The following KCNH5 variants were observed in gnomAD, a reference collection of about 807,000 sequenced individuals.
The protein encoded by KCNH5 is potassium voltage-gated channel subfamily H member 5, also known as voltage-gated delayed rectifier potassium channel KCNH5.
KCNH5 carries 46 observed loss-of-function variants against 96.1 expected under a neutral mutation model. The ratio of observed to expected loss-of-function variants is 0.48; its 90% CI spans 0.38 to 0.61. The LOEUF is 0.61. KCNH5 is among the 20% of genes least tolerant of loss of function. The pLI is 0.00. For missense variants in KCNH5, 907 were observed against 1,225.8 expected (o/e 0.74, Z 3.88); for synonymous variants, 439 against 449.8 (o/e 0.98, Z 0.30).
At chr14:63,029,429 C>T (rs1381237773) in intron 1 of KCNH5, among the ~76,000 whole-genome samples, 1 of 152,030 alleles carries the variant, frequency 6.6e-6, no homozygotes, top group Non-Finnish European at 1.5e-5. Flanking sequence ...TCTTTATAAA[C>T]TATTAAAGCA....
At chr14:63,038,860 TC>T (rs576536509) in intron 1 of KCNH5, among the ~76,000 whole-genome samples, 184 of 152,214 alleles carry the variant, frequency 1.2e-3, no homozygotes, top group African/African-American at 4.3e-3. Context: ...TGAAAAGGAC[TC>T]ATGTCATGTA....
chr14:63,034,668 C>T (rs1432912985), intron 1 of KCNH5, among the ~76,000 whole-genome samples: 1 of 152,144 alleles, frequency 6.6e-6, no homozygotes, highest in African/African-American at 2.4e-5. Flanking sequence ...TAAAAATATG[C>T]TTCCACTTTC....
chr14:62,804,140 T>C (rs1886718770), intron 8 of KCNH5, among the ~76,000 whole-genome samples: 1 of 152,108 alleles, frequency 6.6e-6, no homozygotes, highest in South Asian at 2.1e-4. Context: ...CAGTATCCCT[T>C]CTCTTATCCT....
chr14:62,805,510 C>T (rs923102094), intron 8 of KCNH5, among the ~76,000 whole-genome samples: 2 of 152,144 alleles, frequency 1.3e-5, no homozygotes, highest in Admixed American at 1.3e-4. Flanking sequence ...ATGTGTGTTA[C>T]ATGATGTTTT....
intron 7 of KCNH5, among the ~76,000 whole-genome samples, chr14:62,854,280 C>A (rs1887888267): frequency 1.3e-5 from 2 of 152,056 alleles, no homozygotes; most frequent in Admixed American, 1.3e-4. Context: ...CAATATAGAC[C>A]AGTTCCTAGA....
chr14:62,985,454 T>C (rs1192768470), intron 5 of KCNH5, among the ~76,000 whole-genome samples: 1 of 152,190 alleles, frequency 6.6e-6, no homozygotes, highest in Non-Finnish European at 1.5e-5. Flanking sequence ...TTCGACTCAC[T>C]TTTCTGCAGC....
intron 6 of KCNH5, among the ~76,000 whole-genome samples, chr14:62,965,384 G>T (rs1045453078): frequency 6.6e-6 from 1 of 152,074 alleles, no homozygotes; most frequent in Non-Finnish European, 1.5e-5. Flanking sequence ...GAATGGATAA[G>T]TTCCTGCAAT....
chr14:62,932,333 G>T (rs1052436675), intron 7 of KCNH5, among the ~76,000 whole-genome samples: 1 of 151,930 alleles, frequency 6.6e-6, no homozygotes, highest in Non-Finnish European at 1.5e-5. Flanking sequence ...AAGGAACACA[G>T]AGAAAAGGCA....
intron 8 of KCNH5, among the ~76,000 whole-genome samples, chr14:62,845,156 T>A (rs950862954): frequency 1.3e-5 from 2 of 152,076 alleles, no homozygotes; most frequent in African/African-American, 4.8e-5. Flanking sequence ...ATAAGAAACA[T>A]AAAGTAATAA....
intron 7 of KCNH5, among the ~76,000 whole-genome samples, chr14:62,927,760 TAA>T (rs1161328362): frequency 1.3e-5 from 2 of 152,054 alleles, no homozygotes; most frequent in Non-Finnish European, 2.9e-5. Flanking sequence ...GTTTCATGGG[TAA>T]AGAGTTTTTG....
At chr14:63,045,065 G>A in intron 1 of KCNH5, 49 bp downstream of exon 1, 1 of 1,402,608 alleles carries the variant, frequency 7.1e-7, no homozygotes, top group Non-Finnish European at 1.0e-6. Flanking sequence ...TGGGGGGCGC[G>A]TGTGGGCGGG....
intron 10 of KCNH5, among the ~76,000 whole-genome samples, chr14:62,744,197 T>C (rs577593930): frequency 6.6e-6 from 1 of 152,256 alleles, no homozygotes; most frequent in South Asian, 2.1e-4. Flanking sequence ...AAGAGAAAAA[T>C]TAATAAACTT....
At chr14:62,882,915 G>A (rs972707849) in intron 7 of KCNH5, among the ~76,000 whole-genome samples, 1 of 152,134 alleles carries the variant, frequency 6.6e-6, no homozygotes, top group Non-Finnish European at 1.5e-5. Flanking sequence ...AGAGCCTTTA[G>A]CTTTATATTA....
chr14:62,835,138 C>A (rs565042897), intron 8 of KCNH5, among the ~76,000 whole-genome samples: 1 of 152,148 alleles, frequency 6.6e-6, no homozygotes, highest in Non-Finnish European at 1.5e-5. Context: ...TTCCAAAAGA[C>A]TCGAAAGCTC....
At chr14:62,978,604 A>T (rs1890547404) in intron 6 of KCNH5, among the ~76,000 whole-genome samples, 1 of 151,162 alleles carries the variant, frequency 6.6e-6, no homozygotes, top group South Asian at 2.1e-4. Context: ...AAAAAAAAAG[A>T]AAGAAAATTG....
chr14:62,866,416 T>G (rs1350414543), intron 7 of KCNH5, among the ~76,000 whole-genome samples: 1 of 152,200 alleles, frequency 6.6e-6, no homozygotes, highest in Non-Finnish European at 1.5e-5. Context: ...GTTTTATTCT[T>G]TTCTAGCAAC....
intron 10 of KCNH5, among the ~76,000 whole-genome samples, chr14:62,714,188 C>T (rs1884635447): frequency 6.6e-6 from 1 of 151,842 alleles, no homozygotes; most frequent in Admixed American, 6.6e-5. Context: ...ACTTGGGAGG[C>T]TGAGGCAGGA....
At chr14:62,936,160 T>C (rs1429061328) in intron 7 of KCNH5, among the ~76,000 whole-genome samples, 1 of 152,130 alleles carries the variant, frequency 6.6e-6, no homozygotes, top group Non-Finnish European at 1.5e-5. Context: ...AAGAGGCCCA[T>C]TTTCAATAGG....
At chr14:62,729,922 G>C (rs1308827634) in intron 10 of KCNH5, among the ~76,000 whole-genome samples, 1 of 152,120 alleles carries the variant, frequency 6.6e-6, no homozygotes, top group Non-Finnish European at 1.5e-5. Context: ...CACAATGAAA[G>C]GCTGTCCACC....
Sources: gnomAD v4.1 joint callset for allele counts (sites outside exome capture counted in the v4.1 genomes callset) on GRCh38, gnomAD v4.1.1 for gene constraint, MANE v1.5 for transcripts, NCBI Gene and HGNC (gene_info 2026-07-23, HGNC 2026-07-21) for gene names.